AGTR1: variants seen among roughly 807,000 people sequenced by gnomAD.
AGTR1 encodes the protein type-1 angiotensin II receptor.
In AGTR1, 16 loss-of-function variants were observed where a neutral mutation model predicts 19.4. The ratio of observed to expected loss-of-function variants is 0.82; its 90% CI spans 0.56 to 1.25. AGTR1 has a LOEUF of 1.25. AGTR1 is among the 50% of genes most tolerant of loss of function. The pLI, the probability that AGTR1 is intolerant of heterozygous loss-of-function variation, is 0.00. For synonymous variants in AGTR1, 153 were observed against 154.9 expected, an observed-to-expected ratio of 0.99 and a Z score of 0.09; for missense variants, 373 against 431.9, an observed-to-expected ratio of 0.86 and a Z score of 1.21.
intron 2 of AGTR1, 123 bp from the exon 3 acceptor site, chr3:148,740,866 C>G (rs1559933568): frequency 2.5e-6 from 2 of 784,976 alleles, no homozygotes; most frequent in Non-Finnish European, 2.0e-6. Context: ...GAAATATGAT[C>G]CAGTATTTTT....
intron 2 of AGTR1, among the ~76,000 whole-genome samples, chr3:148,712,563 C>T (rs577141469): frequency 2.2e-4 from 34 of 152,222 alleles, no homozygotes; most frequent in African/African-American, 7.2e-4. Context: ...AGTAATACTC[C>T]CAGGTCAAAA....
At chr3:148,728,736 G>A (rs1191093280) in intron 2 of AGTR1, among the ~76,000 whole-genome samples, 1 of 152,126 alleles carries the variant, frequency 6.6e-6, no homozygotes, top group Non-Finnish European at 1.5e-5. Context: ...TCTGGCAGGA[G>A]ATAAGAACCA....
At chr3:148,732,730 A>ATTT (rs778034622) in intron 2 of AGTR1, among the ~76,000 whole-genome samples, 119 of 109,970 alleles carry the variant, frequency 1.1e-3, no homozygotes, top group Middle Eastern at 5.3e-3. Context: ...GCTTCGGAAA[A>ATTT]TTTTTTTTTT....
intron 2 of AGTR1, among the ~76,000 whole-genome samples, chr3:148,721,420 G>A (rs755102539): frequency 2.0e-5 from 3 of 152,174 alleles, no homozygotes; most frequent in Non-Finnish European, 4.4e-5. Context: ...CTCAAATCCA[G>A]AGACTTCTGC....
At chr3:148,730,084 C>T (rs1008295109) in intron 2 of AGTR1, 6 of 393,590 alleles carry the variant, frequency 1.5e-5, no homozygotes, top group African/African-American at 2.1e-5. Flanking sequence ...TGATCTCATT[C>T]GGTGTTTCCA....
intron 1 of AGTR1, among the ~76,000 whole-genome samples, chr3:148,707,557 T>G (rs1712739427): frequency 6.6e-6 from 1 of 152,184 alleles, no homozygotes; most frequent in Non-Finnish European, 1.5e-5. Flanking sequence ...ATCATTTAAG[T>G]TTAGCTGTAG....
At chr3:148,735,765 A>G (rs1304532856) in intron 2 of AGTR1, among the ~76,000 whole-genome samples, 1 of 152,152 alleles carries the variant, frequency 6.6e-6, no homozygotes, top group Non-Finnish European at 1.5e-5. Context: ...CTTGGCAGAG[A>G]GAGGTGGGGG....
intron 2 of AGTR1, among the ~76,000 whole-genome samples, chr3:148,715,173 T>C (rs920940814): frequency 3.9e-5 from 6 of 152,134 alleles, no homozygotes; most frequent in Non-Finnish European, 8.8e-5. Context: ...GTACAGATAA[T>C]CTGGATGAGA....
At chr3:148,736,361 T>G (rs1714570619) in intron 2 of AGTR1, among the ~76,000 whole-genome samples, 1 of 152,202 alleles carries the variant, frequency 6.6e-6, no homozygotes, top group Admixed American at 6.5e-5. Flanking sequence ...TTACTCATAC[T>G]TCGAAAGAAC....
At chr3:148,739,751 A>ATGGTTG in intron 2 of AGTR1, 1 of 1,225,828 alleles carries the variant, frequency 8.2e-7, no homozygotes, top group Non-Finnish European at 1.0e-6. Flanking sequence ...AAGCACAACC[A>ATGGTTG]TGCTTGGCAT....
At chr3:148,715,877 A>G (rs955102681) in intron 2 of AGTR1, among the ~76,000 whole-genome samples, 1 of 152,096 alleles carries the variant, frequency 6.6e-6, no homozygotes, top group Non-Finnish European at 1.5e-5. Flanking sequence ...ACCTGTGACT[A>G]TATTAATTAA....
chr3:148,727,441 G>C (rs1284419329), intron 2 of AGTR1, among the ~76,000 whole-genome samples: 3 of 152,176 alleles, frequency 2.0e-5, no homozygotes, highest in African/African-American at 7.2e-5. Flanking sequence ...GTCTATGGCA[G>C]TGATACCACA....
intron 2 of AGTR1, among the ~76,000 whole-genome samples, chr3:148,724,399 T>C (rs1014946758): frequency 1.3e-5 from 2 of 152,174 alleles, no homozygotes; most frequent in Non-Finnish European, 2.9e-5. Flanking sequence ...GACTCTCTTA[T>C]GAATCTCTGA....
intron 2 of AGTR1, among the ~76,000 whole-genome samples, chr3:148,727,128 G>T (rs980186690): frequency 2.0e-5 from 3 of 152,168 alleles, no homozygotes; most frequent in African/African-American, 7.2e-5. Context: ...AGTCAGAAAA[G>T]CAGTTTTGTA....
At chr3:148,731,169 A>G (rs1411427817) in intron 2 of AGTR1, 1 of 152,176 alleles carries the variant, frequency 6.6e-6, no homozygotes, top group Non-Finnish European at 1.5e-5. Context: ...TATGTGTCTC[A>G]CTTTCTATTT....
At chr3:148,740,875 T>C (rs1714831598) in intron 2 of AGTR1, 114 bp from the exon 3 acceptor site, 1 of 911,098 alleles carries the variant, frequency 1.1e-6, no homozygotes, top group African/African-American at 1.7e-5. Flanking sequence ...TCCAGTATTT[T>C]TTCCTAAGAC....
At chr3:148,717,908 A>T (rs932358330) in intron 2 of AGTR1, among the ~76,000 whole-genome samples, 4 of 152,244 alleles carry the variant, frequency 2.6e-5, no homozygotes, top group African/African-American at 4.8e-5. Context: ...AGATCTATAT[A>T]AAACACTAGG....
At chr3:148,711,511 C>G (rs1712982308) in intron 2 of AGTR1, among the ~76,000 whole-genome samples, 1 of 151,902 alleles carries the variant, frequency 6.6e-6, no homozygotes, top group Non-Finnish European at 1.5e-5. Context: ...CAGAATCTTA[C>G]TAACAGAAAA....
intron 2 of AGTR1, among the ~76,000 whole-genome samples, chr3:148,737,859 T>A (rs1714656163): frequency 6.6e-6 from 1 of 152,146 alleles, no homozygotes; most frequent in Admixed American, 6.5e-5. Flanking sequence ...ATTAAGGTAA[T>A]AATACCTCAC....
Sources: gnomAD v4.1 joint callset for allele counts (sites outside exome capture counted in the v4.1 genomes callset) on GRCh38, gnomAD v4.1.1 for gene constraint, MANE v1.5 for transcripts, NCBI Gene and HGNC (gene_info 2026-07-23, HGNC 2026-07-21) for gene names.